The following PTPRT variants were observed in gnomAD, a reference collection of about 807,000 sequenced individuals.
The protein encoded by PTPRT is protein tyrosine phosphatase receptor type T.
PTPRT carries 56 observed loss-of-function variants against 176.8 expected under a neutral mutation model. The observed-to-expected ratio is 0.32, with a 90% CI of 0.26 to 0.40. PTPRT has a LOEUF of 0.40. PTPRT is among the 10% of genes least tolerant of loss of function. PTPRT has a pLI of 1.00. For missense variants in PTPRT, 1,540 were observed against 1,908.2 expected (o/e 0.81, Z 3.60); for synonymous variants, 783 against 739.0 (o/e 1.06, Z -0.96).
At chr20:42,781,582 A>G (rs1413828655) in intron 3 of PTPRT, among the ~76,000 whole-genome samples, 1 of 152,130 alleles carries the variant, frequency 6.6e-6, no homozygotes, top group South Asian at 2.1e-4. Flanking sequence ...TGACATGTCA[A>G]CAGCTTCTCC....
At chr20:42,708,449 TCAC>T (rs1246054831) in intron 6 of PTPRT, among the ~76,000 whole-genome samples, 1 of 152,096 alleles carries the variant, frequency 6.6e-6, no homozygotes, top group Non-Finnish European at 1.5e-5. Context: ...GATTAATATA[TCAC>T]CACATCACAA....
chr20:42,125,934 C>G (rs910076176), intron 19 of PTPRT, among the ~76,000 whole-genome samples: 1 of 147,164 alleles, frequency 6.8e-6, no homozygotes, highest in South Asian at 2.1e-4. Flanking sequence ...TAGACAAGGT[C>G]GAGGAGAAAT....
intron 7 of PTPRT, among the ~76,000 whole-genome samples, chr20:42,589,637 T>C (rs1204395656): frequency 6.6e-6 from 1 of 152,202 alleles, no homozygotes; most frequent in East Asian, 1.9e-4. Context: ...CACATCCCCC[T>C]TCAGCTCCTG....
chr20:42,878,587 C>G (rs978495924), intron 2 of PTPRT, among the ~76,000 whole-genome samples: 1 of 152,216 alleles, frequency 6.6e-6, no homozygotes, highest in East Asian at 1.9e-4. Flanking sequence ...AGTTGCTTCA[C>G]TTCTCTGGGA....
At chr20:43,133,966 T>G (rs2013734701) in intron 1 of PTPRT, among the ~76,000 whole-genome samples, 1 of 152,108 alleles carries the variant, frequency 6.6e-6, no homozygotes, top group Non-Finnish European at 1.5e-5. Context: ...TGAAAACTCC[T>G]GCATTAGAAA....
At chr20:42,822,543 T>C (rs1033428654) in intron 2 of PTPRT, among the ~76,000 whole-genome samples, 20 of 152,042 alleles carry the variant, frequency 1.3e-4, no homozygotes, top group Non-Finnish European at 1.2e-4. Flanking sequence ...AGGCCAAAAT[T>C]GACCAATGAG....
chr20:42,484,663 G>A (rs1449074421), intron 7 of PTPRT, among the ~76,000 whole-genome samples: 2 of 152,198 alleles, frequency 1.3e-5, no homozygotes, highest in Admixed American at 6.5e-5. Context: ...CGGTGCTCTT[G>A]TGAGTTAAGA....
chr20:42,585,191 G>A (rs2145737447), intron 7 of PTPRT, among the ~76,000 whole-genome samples: 1 of 152,236 alleles, frequency 6.6e-6, no homozygotes, highest in South Asian at 2.1e-4. Context: ...TTGACAGCAG[G>A]GGTTTAGATT....
chr20:42,892,302 C>T (rs1485104379), intron 1 of PTPRT, among the ~76,000 whole-genome samples: 2 of 152,128 alleles, frequency 1.3e-5, no homozygotes, highest in South Asian at 2.1e-4. Flanking sequence ...ATGTATCAAA[C>T]TCACCCACAT....
rs147869091 is a variant in PTPRT, at chr20:42,604,759, C to G, written c.1153+73107G>C. ...TGAGGCCCAGTGATGTTCTATATCT[C>G]TCTTCTATACCCCGAAGACATTGAG... On this transcript the variant is annotated intron_variant, in intron 7 of 30. Transcript: ENST00000373187. 5.8e-4 allele frequency among the ~76,000 whole-genome samples: 88 copies of G among 152,308 alleles called. No homozygotes were observed. The East Asian group carries it at 0.015, about 26-fold the overall frequency.
At chr20:42,738,018 T>C (rs77353434) in intron 6 of PTPRT, among the ~76,000 whole-genome samples, 1,539 of 152,200 alleles carry the variant, frequency 0.01, 31 homozygotes, top group African/African-American at 0.035. Context: ...ACAACAAACC[T>C]GAAGGGTCCA....
intron 22 of PTPRT, among the ~76,000 whole-genome samples, chr20:42,114,210 T>C (rs553913542): frequency 6.6e-6 from 1 of 152,354 alleles, no homozygotes; most frequent in South Asian, 2.1e-4. Context: ...GTGTGAATCC[T>C]GGTTGTACCA....
intron 1 of PTPRT, among the ~76,000 whole-genome samples, chr20:42,922,163 T>G (rs1034714774): frequency 6.6e-6 from 1 of 152,182 alleles, no homozygotes; most frequent in Non-Finnish European, 1.5e-5. Context: ...CTCAAACTCC[T>G]GACCTCGTGA....
chr20:42,049,100 G>A, the PTPRT span, among the ~76,000 whole-genome samples: 4 of 152,280 alleles, frequency 2.6e-5, no homozygotes, highest in East Asian at 3.9e-4. Context: ...GATTAGAGGC[G>A]CATACCACTG....
intron 6 of PTPRT, among the ~76,000 whole-genome samples, chr20:42,707,619 A>G (rs2076081087): frequency 6.6e-6 from 1 of 152,192 alleles, no homozygotes; most frequent in Admixed American, 6.5e-5. Context: ...TGGGGCCTTC[A>G]GTCCCACCAT....
chr20:42,036,695 G>T, the PTPRT span, among the ~76,000 whole-genome samples: 1 of 152,218 alleles, frequency 6.6e-6, no homozygotes, highest in African/African-American at 2.4e-5. Context: ...AGGGAAGAAA[G>T]TGAGAGAGTA....
intron 15 of PTPRT, among the ~76,000 whole-genome samples, chr20:42,223,840 G>A (rs1385808577): frequency 1.3e-5 from 2 of 152,152 alleles, no homozygotes; most frequent in African/African-American, 4.8e-5. Flanking sequence ...CTCCACTTCT[G>A]AAAAAGTCCA....
intron 12 of PTPRT, among the ~76,000 whole-genome samples, chr20:42,298,250 T>C (rs746402895): frequency 2.6e-5 from 4 of 152,168 alleles, no homozygotes; most frequent in Non-Finnish European, 4.4e-5. Context: ...TAGGAGAATA[T>C]AGCAATTTCA....
At chr20:42,047,990 A>T in the PTPRT span, among the ~76,000 whole-genome samples, 1 of 152,184 alleles carries the variant, frequency 6.6e-6, no homozygotes, top group Admixed American at 6.5e-5. Flanking sequence ...GAATATTTCA[A>T]GATTCTCCTG....
Sources: allele counts gnomAD v4.1 joint callset (sites outside exome capture counted in the v4.1 genomes callset), GRCh38; gene constraint gnomAD v4.1.1; transcripts MANE v1.5; gene names NCBI Gene and HGNC (gene_info 2026-07-23, HGNC 2026-07-21).